Variants in ZFYVE1 observed in about 807,000 individuals in gnomAD.
ZFYVE1 encodes zinc finger FYVE-type containing 1, also known as zinc finger FYVE domain-containing protein 1.
Under a neutral mutation model 74.4 loss-of-function variants are expected in ZFYVE1, and 30 were observed. The observed-to-expected ratio is 0.40, with a 90% CI of 0.30 to 0.55. ZFYVE1 has a LOEUF of 0.55. Among genes scored for constraint, ZFYVE1 ranks in the 20% least tolerant of loss-of-function variants. The pLI is 0.42. For missense variants in ZFYVE1, 703 were observed against 1,011.6 expected, an observed-to-expected ratio of 0.69 and a Z score of 4.14; for synonymous variants, 335 against 385.1, an observed-to-expected ratio of 0.87 and a Z score of 1.52.
At position 73,024,568 on chromosome 14, in the gene ZFYVE1, T is replaced by A; in HGVS notation, c.-60A>T. ...ATAGTCACTGAGCTTGCCCCGGGGG[T>A]GAAGACGAAGATTTGAGTCTGAAGA... On this transcript the variant is annotated 5_prime_UTR_variant, in exon 2 of 12. Transcript: ENST00000556143. The A allele has an allele frequency of 6.6e-7, 1 of 1,520,398 alleles. No homozygotes were observed. Among genetic ancestry groups the A allele is most frequent in the South Asian group, 1.3e-5 (1 of 75,126 alleles). The allele number at this position is 1,520,398 out of a possible 1,614,324, so 94.2% of individuals were successfully genotyped here. A position where few individuals can be genotyped will look rare whatever the true frequency, so the allele number is the denominator to read the frequency against.
rs564545707 is a variant in ZFYVE1 at position 72,983,771 on chromosome 14, C to T, written c.1204-1876G>A. Among the ~76,000 whole-genome samples the T allele has an allele frequency of 5.3e-5, 8 of 152,280 alleles. No homozygotes were observed. In the South Asian group the frequency reaches 1.7e-3, roughly 32 times the overall value. ...TTCTAGTTCTAGATTCTTGAGGAATCGCCACGCTGGTTGAACTAGTTTACA... is the reference window on the plus strand; with the variant it reads ...TTCTAGTTCTAGATTCTTGAGGAATTGCCACGCTGGTTGAACTAGTTTACA... On this transcript the variant is annotated intron_variant, in intron 4 of 11. Transcript: ENST00000556143.
In ZFYVE1 at chr14:73,024,356, C is replaced by T. The variant is rs1307872741; in HGVS notation, c.153G>A (p.Arg51=). 2 of 1,614,022 alleles carry T rather than the reference C, an allele frequency of 1.2e-6. No individual in the cohort carries two copies. Among genetic ancestry groups the T allele is most frequent in the Non-Finnish European group, 1.7e-6 (2 of 1,180,030 alleles). The change falls in exon 2 of 12, where the codon CGG becomes CGA. Residue 51 remains arginine (R), a synonymous_variant. Transcript: ENST00000556143. ...GCTCATGGTTTCTCAGGCGCTCCTG[C>T]CGATGGAGCTCCTCCTCGCAGCGGA... The part of the protein sequence containing the change: ...QCLRCEEELH[R]QERLRNHERI...
At position 72,970,577 on chromosome 14, in the gene ZFYVE1, G is replaced by A. The variant is rs1156346624; in HGVS notation, c.*305C>T. 2.9e-6 allele frequency: 1 copy of A among 346,854 alleles called. No individual in the cohort carries two copies. Among genetic ancestry groups the A allele is most frequent in the African/African-American group, 2.1e-5 (1 of 48,432 alleles). 21.5% of individuals were successfully genotyped at this position (346,854 alleles called of 1,614,324 possible). ...CAGCAGCAGCCTCGATACGCCCCGA[G>A]TGCCTTTCATATGTATATATGAGAG... On this transcript the variant is annotated 3_prime_UTR_variant, in exon 12 of 12. Transcript: ENST00000556143.
At chr14:72,973,143 A>G (rs1001862063) in intron 11 of ZFYVE1, among the ~76,000 whole-genome samples, 1 of 151,966 alleles carries the variant, frequency 6.6e-6, no homozygotes, top group East Asian at 1.9e-4. Context: ...ACGGCAGCAG[A>G]CTCCAGGAGA....
At chr14:73,006,095 AT>A (rs1487719503) in intron 2 of ZFYVE1, among the ~76,000 whole-genome samples, 3 of 151,632 alleles carry the variant, frequency 2.0e-5, no homozygotes, top group Non-Finnish European at 2.9e-5. Context: ...AATTTTTTGT[AT>A]TTTTAGTGGA....
chr14:73,024,589 G>A lies in ZFYVE1; in HGVS notation c.-81C>T, dbSNP rs1427950927. On this transcript the variant is annotated 5_prime_UTR_variant, in exon 2 of 12. Transcript: ENST00000556143. ...GGGGTGAAGACGAAGATTTGAGTCT[G>A]AAGACTGCACGAAACTTCCACAGGG... The A allele has an allele frequency of 4.0e-6, 6 of 1,507,090 alleles. No homozygotes were observed. Among genetic ancestry groups the A allele is most frequent in the Non-Finnish European group, 5.3e-6 (6 of 1,128,396 alleles). 93.4% of individuals were successfully genotyped at this position (1,507,090 alleles called of 1,614,324 possible). A position where few individuals can be genotyped will look rare whatever the true frequency, so the allele number is the denominator to read the frequency against.
intron 3 of ZFYVE1, among the ~76,000 whole-genome samples, chr14:72,997,545 A>C (rs1250473562): frequency 6.6e-6 from 1 of 151,916 alleles, no homozygotes; most frequent in African/African-American, 2.4e-5. Flanking sequence ...TTTACCCCCC[A>C]CCATCTCAGG....
At position 73,017,967 on chromosome 14, in the gene ZFYVE1, C is replaced by T. The variant is rs538377394; in HGVS notation, c.483+6059G>A. 9.2e-5 allele frequency among the ~76,000 whole-genome samples: 14 copies of T among 152,328 alleles called. No homozygotes were observed. In the South Asian group the frequency reaches 2.9e-3, roughly 32 times the overall value. ...CTGCACGGCCTCCCATGCATTGGCA[C>T]CTGCTTCCCTCTGCACCTCTTCCCT... is the stretch of plus-strand genomic sequence containing the variant. On this transcript the variant is annotated intron_variant, in intron 2 of 11. Coordinates refer to ENST00000556143, the MANE Select transcript of ZFYVE1 (RefSeq NM_021260.4).
chr14:72,973,806 C>T (rs973813739), intron 11 of ZFYVE1, among the ~76,000 whole-genome samples: 25 of 152,182 alleles, frequency 1.6e-4, no homozygotes, highest in Non-Finnish European at 2.4e-4. Flanking sequence ...ACTTCTAGAC[C>T]TGCAAAGACA....
At chr14:72,978,839 G>C in intron 6 of ZFYVE1, 22 bp downstream of exon 6, 1 of 1,606,894 alleles carries the variant, frequency 6.2e-7, no homozygotes, top group Admixed American at 1.7e-5. Flanking sequence ...TGCTGACACA[G>C]GGAGGAGCTC....
chr14:72,990,060 ACT>A (rs1375892722), intron 4 of ZFYVE1, among the ~76,000 whole-genome samples: 1 of 152,174 alleles, frequency 6.6e-6, no homozygotes, highest in East Asian at 1.9e-4. Context: ...TAACAATAAA[ACT>A]CTACTTGGTC....
intron 2 of ZFYVE1, among the ~76,000 whole-genome samples, chr14:73,009,222 A>C (rs1894039590): frequency 6.6e-6 from 1 of 152,228 alleles, no homozygotes; most frequent in Non-Finnish European, 1.5e-5. Context: ...CTTTAGGATA[A>C]CTTTATTCAA....
chr14:73,024,196 T>G lies in ZFYVE1; in HGVS notation c.313A>C (p.Lys105Gln). 2.5e-6 allele frequency: 4 copies of G among 1,614,182 alleles called. No homozygotes were observed. The highest frequency in any genetic ancestry group is 3.4e-6 in the Non-Finnish European group (4 of 1,180,022). ...CKINLCLECQ[K>Q]RTHSGGNKRR... ...TTGTTACCCCCAGAATGAGTCCTCT[T>G]CTGGCACTCCAGGCACAAGTTAATT... Residue 105 changes from lysine to glutamine, a missense_variant, in exon 2 of 12, where the codon AAG (lysine) becomes CAG (glutamine). Coordinates refer to ENST00000556143, the MANE Select transcript of ZFYVE1 (RefSeq NM_021260.4).
chr14:72,974,792 C>G lies in ZFYVE1; in HGVS notation c.1974G>C (p.Arg658Ser), dbSNP rs1211425006. The change falls in exon 10 of 12, where the codon AGG (arginine) becomes AGC (serine). Residue 658 changes from arginine (R) to serine (S), a missense_variant. Arg to Ser is a moderately radical substitution (Grantham distance 110). Around this residue, in one of 2 missense-constraint regions of ZFYVE1, gnomAD observed 492 missense variants for 790.0 expected, o/e 0.62. Coordinates refer to ENST00000556143, the MANE Select transcript of ZFYVE1 (RefSeq NM_021260.4). Reference protein sequence around the residue: ...VRVCDNCYEARNVQLAVTEAQ... With the variant: ...VRVCDNCYEASNVQLAVTEAQ... ...GTCCCACGTTACCTAACTGGACGTT[C>G]CTGGCTTCGTAGCAGTTGTCACAGA... 5 of 1,600,144 alleles carry G rather than the reference C, an allele frequency of 3.1e-6. No individual in the cohort carries two copies. The highest frequency in any genetic ancestry group is 2.6e-6 in the Non-Finnish European group (3 of 1,169,346).
At position 72,982,399 on chromosome 14, in the gene ZFYVE1, AAAG is replaced by A. The variant is rs539836870; in HGVS notation, c.1204-507_1204-505del. 2.1e-3 allele frequency among the ~76,000 whole-genome samples: 318 copies of A among 152,288 alleles called. 7 individuals carry two copies. Among genetic ancestry groups the A allele is most frequent in the Non-Finnish European group, 2.4e-3 (164 of 68,026 alleles). Reference sequence around the variant, plus strand: ...GGAAAAATGTCACCAGAAAAAAAAAAAAGAAGAAGAATTATTATAGTGTTTGCC... The same window carrying A: ...GGAAAAATGTCACCAGAAAAAAAAAAAAGAAGAATTATTATAGTGTTTGCC... On this transcript the variant is annotated intron_variant, in intron 4 of 11. Transcript: ENST00000556143.
chr14:72,970,766 C>A lies in ZFYVE1; in HGVS notation c.*116G>T. On this transcript the variant is annotated 3_prime_UTR_variant, in exon 12 of 12. Coordinates refer to ENST00000556143, the MANE Select transcript of ZFYVE1 (RefSeq NM_021260.4). ...CACTGAGGGAAAGTGGCCCTGGATG[C>A]GGAGAGGAGAGGACACACACCACAG... 19 of 1,152,460 alleles carry A rather than the reference C, an allele frequency of 1.6e-5. No homozygotes were observed. The highest frequency in any genetic ancestry group is 2.2e-5 in the Non-Finnish European group (18 of 817,164). The allele number at this position is 1,152,460 out of a possible 1,614,324, so 71.4% of individuals were successfully genotyped here. A position where few individuals can be genotyped will look rare whatever the true frequency, so the allele number is the denominator to read the frequency against.
chr14:72,980,777 C>T (rs1366680676), intron 5 of ZFYVE1, among the ~76,000 whole-genome samples: 3 of 151,902 alleles, frequency 2.0e-5, no homozygotes, highest in Admixed American at 6.6e-5. Flanking sequence ...ACCATAGTCT[C>T]GATCTGCTGA....
At chr14:72,984,183 G>T (rs1405342395) in intron 4 of ZFYVE1, among the ~76,000 whole-genome samples, 1 of 151,948 alleles carries the variant, frequency 6.6e-6, no homozygotes, top group Non-Finnish European at 1.5e-5. Flanking sequence ...CAAAAAAAAT[G>T]GTCTGACAAA....
intron 2 of ZFYVE1, among the ~76,000 whole-genome samples, chr14:73,009,692 G>A (rs760281812): frequency 6.6e-6 from 1 of 152,194 alleles, no homozygotes; most frequent in Non-Finnish European, 1.5e-5. Context: ...GGAAGCAGAG[G>A]TTGCAGTGAA....
Sources: allele counts gnomAD v4.1 joint callset (sites outside exome capture counted in the v4.1 genomes callset), GRCh38; gene constraint gnomAD v4.1.1; regional missense constraint gnomAD v4.1.1; transcripts MANE v1.5; gene names NCBI Gene and HGNC (gene_info 2026-07-23, HGNC 2026-07-21).